Variants in GAK observed in about 807,000 individuals in gnomAD.
GAK encodes the protein cyclin G associated kinase.
Under a neutral mutation model 143.9 loss-of-function variants are expected in GAK, and 79 were observed. That is an observed-to-expected ratio of 0.55 (90% confidence interval 0.46 to 0.66). The LOEUF (loss-of-function observed/expected upper bound fraction) is 0.66. Ranked by LOEUF, GAK falls within the 30% of genes least tolerant of loss-of-function variation. The pLI is 0.00. For synonymous variants in GAK, 881 were observed against 765.5 expected, an observed-to-expected ratio of 1.15 and a Z score of -2.49; for missense variants, 1,693 against 1,779.7, an observed-to-expected ratio of 0.95 and a Z score of 0.88.
Position 890,529 on chromosome 4 carries a change from C to G in GAK, c.1081+3G>C. 6.2e-7 allele frequency: 1 copy of G among 1,603,532 alleles called. No homozygotes were observed. The highest frequency in any genetic ancestry group is 8.5e-7 in the Non-Finnish European group (1 of 1,174,928). ...GGTGGCGGGCACAGGACAGGGCACT[C>G]ACCTCCACTGTAGCCACTGCCAGCG... is the stretch of plus-strand genomic sequence containing the variant. On this transcript the variant is annotated splice_donor_region_variant and intron_variant, in intron 10 of 27. Coordinates refer to ENST00000314167, the MANE Select transcript of GAK (RefSeq NM_005255.4).
chr4:865,082 C>T lies in GAK; in HGVS notation c.3166+40G>A, dbSNP rs1474431011. On this transcript the variant is annotated intron_variant, in intron 23 of 27. Coordinates refer to ENST00000314167, the MANE Select transcript of GAK (RefSeq NM_005255.4). The stretch of plus-strand genomic sequence containing the variant: ...AAATAGAGACGGGCCACAGCAGCTG[C>T]ACGTCTGGGAGCCCTGTCCTTGGTG... The T allele has an allele frequency of 5.2e-6, 8 of 1,526,072 alleles. No homozygotes were observed. The Admixed American group carries it at 1.3e-4, about 25-fold the overall frequency. The allele number at this position is 1,526,072 out of a possible 1,614,324, so 94.5% of individuals were successfully genotyped here.
At chr4:920,539 A>AATTTTTTTTT (rs766096942) in intron 1 of GAK, among the ~76,000 whole-genome samples, 1 of 129,600 alleles carries the variant, frequency 7.7e-6, no homozygotes, top group African/African-American at 3.0e-5. Flanking sequence ...GTTTAGAGCC[A>AATTTTTTTTT]TTTTTTTTTT....
intron 15 of GAK, among the ~76,000 whole-genome samples, chr4:880,247 C>T (rs1332949999): frequency 1.8e-4 from 22 of 123,364 alleles, no homozygotes; most frequent in African/African-American, 2.8e-4. Flanking sequence ...AGGGTCCTCT[C>T]TCCACAGCTC....
chr4:885,104 G>A lies in GAK; in HGVS notation c.1206-1018C>T, dbSNP rs138901912. 6.9e-3 allele frequency among the ~76,000 whole-genome samples: 1,052 copies of A among 152,074 alleles called. 9 individuals carry two copies. Among genetic ancestry groups the A allele is most frequent in the African/African-American group, 0.024 (989 of 41,478 alleles). ...ATGCGGGTCTTCCGTGCGTTCAAACGTTTTAAAAGGCGTCTAAACCCACCG... is the reference window on the plus strand; with the variant it reads ...ATGCGGGTCTTCCGTGCGTTCAAACATTTTAAAAGGCGTCTAAACCCACCG... On this transcript the variant is annotated intron_variant, in intron 11 of 27. Transcript: ENST00000314167.
chr4:909,036 G>A (rs1004085410), intron 4 of GAK, among the ~76,000 whole-genome samples: 4 of 152,112 alleles, frequency 2.6e-5, no homozygotes, highest in Admixed American at 6.5e-5. Context: ...CAAAAGAGAC[G>A]GGGTTTAGCC....
intron 15 of GAK, among the ~76,000 whole-genome samples, chr4:880,230 C>T (rs1714817065): frequency 6.6e-6 from 1 of 151,926 alleles, no homozygotes; most frequent in Non-Finnish European, 1.5e-5. Flanking sequence ...ACCGTGCACC[C>T]TGCATGAGGG....
At chr4:910,684 T>C (rs1468459042) in intron 4 of GAK, among the ~76,000 whole-genome samples, 1 of 151,950 alleles carries the variant, frequency 6.6e-6, no homozygotes, top group African/African-American at 2.4e-5. Flanking sequence ...CAGGCTTCCT[T>C]CTGTGGGACT....
chr4:922,040 G>A (rs1577323471), intron 1 of GAK, among the ~76,000 whole-genome samples: 1 of 152,196 alleles, frequency 6.6e-6, no homozygotes, highest in East Asian at 1.9e-4. Flanking sequence ...GAAACTCGCT[G>A]TTAGGGACTC....
chr4:912,324 T>C (rs1722188876), intron 3 of GAK: 2 of 376,746 alleles, frequency 5.3e-6, no homozygotes, highest in Non-Finnish European at 1.1e-5. Context: ...TGGGACAGCC[T>C]GAGAAGGGAC....
chr4:879,915 G>A (rs1005522585), intron 15 of GAK, among the ~76,000 whole-genome samples: 1 of 152,212 alleles, frequency 6.6e-6, no homozygotes, highest in East Asian at 1.9e-4. Context: ...CAGCCTCAGC[G>A]ATGTCGAAGG....
chr4:924,340 G>A (rs1005494486), intron 1 of GAK, among the ~76,000 whole-genome samples: 1 of 152,116 alleles, frequency 6.6e-6, no homozygotes, highest in Non-Finnish European at 1.5e-5. Flanking sequence ...ACTCTCCACT[G>A]CAGCTGGTGG....
At chr4:870,139 C>T (rs938499176) in intron 19 of GAK, among the ~76,000 whole-genome samples, 3 of 152,176 alleles carry the variant, frequency 2.0e-5, no homozygotes, top group South Asian at 4.1e-4. Flanking sequence ...ATACACAGCA[C>T]GCACAGGTCA....
chr4:921,748 A>C (rs1345082299), intron 1 of GAK, among the ~76,000 whole-genome samples: 1 of 152,070 alleles, frequency 6.6e-6, no homozygotes, highest in Non-Finnish European at 1.5e-5. Flanking sequence ...TTAGGGGACG[A>C]AAGGACAAGC....
chr4:929,580 G>A (rs1725354510), intron 1 of GAK, among the ~76,000 whole-genome samples: 2 of 152,072 alleles, frequency 1.3e-5, no homozygotes, highest in Non-Finnish European at 2.9e-5. Context: ...CTAGCTAGGT[G>A]CAGCAGCACA....
chr4:853,116 C>T, intron 24 of GAK: 1 of 152,184 alleles, frequency 6.6e-6, no homozygotes, highest in East Asian at 1.9e-4. Flanking sequence ...AGGTGTGAGC[C>T]ACCATGCCCA....
At chr4:898,463 T>C (rs1719230288) in intron 5 of GAK, among the ~76,000 whole-genome samples, 1 of 152,254 alleles carries the variant, frequency 6.6e-6, no homozygotes, top group African/African-American at 2.4e-5. Context: ...TCCTCAAAGA[T>C]GTCTTAAATT....
intron 1 of GAK, among the ~76,000 whole-genome samples, chr4:924,594 C>T (rs1284982793): frequency 6.6e-6 from 1 of 152,208 alleles, no homozygotes; most frequent in African/African-American, 2.4e-5. Context: ...TTCATAACAG[C>T]ACATACGGTT....
chr4:856,191 C>T (rs1199839211), intron 24 of GAK, among the ~76,000 whole-genome samples: 1 of 150,610 alleles, frequency 6.6e-6, no homozygotes, highest in African/African-American at 2.5e-5. Context: ...CACCTGCTCA[C>T]CACAGCTGCT....
rs1052661479 is a variant in GAK at position 932,273 on chromosome 4, C to G, written c.-86G>C. 75 of 1,419,082 alleles carry G rather than the reference C, an allele frequency of 5.3e-5. No homozygotes were observed. In the African/African-American group the frequency reaches 5.7e-4, roughly 11 times the overall value. The allele number at this position is 1,419,082 out of a possible 1,614,324, so 87.9% of individuals were successfully genotyped here. A position where few individuals can be genotyped will look rare whatever the true frequency, so the allele number is the denominator to read the frequency against. On this transcript the variant is annotated 5_prime_UTR_variant, in exon 1 of 28. Transcript: ENST00000314167. The surrounding 1 kb of genome is among the most constrained non-coding windows in gnomAD (Gnocchi z 4.0). ...TCGCCGTCCGGGTCAGCTCAGCAAC[C>G]GCCGGCCCGGAGGTGCACCATCTTC...
Sources: allele counts gnomAD v4.1 joint callset (sites outside exome capture counted in the v4.1 genomes callset), GRCh38; gene constraint gnomAD v4.1.1; non-coding constraint Gnocchi (gnomAD v3.1); transcripts MANE v1.5; gene names NCBI Gene and HGNC (gene_info 2026-07-23, HGNC 2026-07-21).